MAST4: variants seen among roughly 807,000 people sequenced by gnomAD.
MAST4 encodes the protein microtubule associated serine/threonine kinase family member 4.
MAST4 carries 89 observed loss-of-function variants against 162.7 expected under a neutral mutation model. The observed-to-expected ratio is 0.55, with a 90% CI of 0.46 to 0.65. The LOEUF is 0.65. Ranked by LOEUF, MAST4 falls within the 30% of genes least tolerant of loss-of-function variation. The pLI is 0.00. For missense variants in MAST4, 3,153 were observed against 3,374.0 expected, an observed-to-expected ratio of 0.93 and a Z score of 1.62; for synonymous variants, 1,479 against 1,361.1, an observed-to-expected ratio of 1.09 and a Z score of -1.91.
intron 23 of MAST4, 80 bp downstream of exon 23, chr5:67,145,459 G>A (rs1159577773): frequency 1.2e-5 from 15 of 1,217,322 alleles, no homozygotes; most frequent in South Asian, 4.2e-5. Context: ...GGCGGGCCTC[G>A]CCAGGCAGTA....
chr5:66,661,468 G>T (rs1296785209), intron 1 of MAST4, among the ~76,000 whole-genome samples: 3 of 152,192 alleles, frequency 2.0e-5, no homozygotes, highest in African/African-American at 7.2e-5. Context: ...AGTTACAAAG[G>T]AGTCCAGGGA....
chr5:66,911,432 T>G (rs1171865852), intron 4 of MAST4, among the ~76,000 whole-genome samples: 1 of 152,026 alleles, frequency 6.6e-6, no homozygotes, highest in Non-Finnish European at 1.5e-5. Flanking sequence ...CTGGATGCAG[T>G]TGCTTACTCC....
chr5:66,939,751 T>G (rs75425934), intron 4 of MAST4, among the ~76,000 whole-genome samples: 1,621 of 152,260 alleles, frequency 0.011, 24 homozygotes, highest in African/African-American at 0.037. Context: ...GTTTTTGTTT[T>G]TTTTTTTCCC....
Position 66,886,218 on chromosome 5 carries a change from G to A in MAST4, c.643-13733G>A, listed in dbSNP as rs6870659. 7.6e-3 allele frequency among the ~76,000 whole-genome samples: 1,152 copies of A among 152,278 alleles called. 20 individuals carry two copies. The highest frequency in any genetic ancestry group is 0.026 in the African/African-American group (1,094 of 41,550). On this transcript the variant is annotated intron_variant, in intron 3 of 28. Transcript: ENST00000403625. ...GAGTAGGCCACTTAATTCAATTAGC[G>A]TATAGGACTTTTGTTTTTAGATTCT...
chr5:67,117,283 AG>A (rs1767031769), intron 12 of MAST4, among the ~76,000 whole-genome samples: 1 of 152,210 alleles, frequency 6.6e-6, no homozygotes, highest in South Asian at 2.1e-4. Flanking sequence ...AGACGAAGAA[AG>A]GACATAGTTT....
Position 66,922,890 on chromosome 5 carries a change from T to G in MAST4, c.674+22908T>G, listed in dbSNP as rs569217606. 9.8e-5 allele frequency among the ~76,000 whole-genome samples: 15 copies of G among 152,304 alleles called. No individual in the cohort carries two copies. In the South Asian group the frequency reaches 3.1e-3, roughly 32 times the overall value. On this transcript the variant is annotated intron_variant, in intron 4 of 28. Coordinates refer to ENST00000403625, the MANE Select transcript of MAST4 (RefSeq NM_001164664.2). ...GCATTCTCCAATTTAGGGCGGCACATGTTCCCCAACCTCCAATTTATCTGA... is the reference window on the plus strand; with the variant it reads ...GCATTCTCCAATTTAGGGCGGCACAGGTTCCCCAACCTCCAATTTATCTGA...
At chr5:66,804,013 T>G (rs1354609343) in intron 3 of MAST4, among the ~76,000 whole-genome samples, 1 of 152,120 alleles carries the variant, frequency 6.6e-6, no homozygotes, top group Non-Finnish European at 1.5e-5. Flanking sequence ...TCTTTTGCTA[T>G]TAAGTGCTTT....
intron 24 of MAST4, among the ~76,000 whole-genome samples, chr5:67,151,771 T>TC (rs1295967755): frequency 7.6e-5 from 11 of 145,032 alleles, no homozygotes; most frequent in African/African-American, 2.9e-4. Context: ...TTTTTTCTTT[T>TC]TTTTTTTTTT....
intron 1 of MAST4, among the ~76,000 whole-genome samples, chr5:66,607,625 G>T (rs1477413028): frequency 6.6e-6 from 1 of 152,186 alleles, no homozygotes; most frequent in African/African-American, 2.4e-5. Context: ...AGTGGAAATG[G>T]ATTGCAGGAA....
At chr5:66,967,684 TAAAAAAA>T (rs549249080) in intron 4 of MAST4, among the ~76,000 whole-genome samples, 2 of 112,936 alleles carry the variant, frequency 1.8e-5, no homozygotes, top group South Asian at 2.8e-4. Flanking sequence ...TCACACTCCT[TAAAAAAA>T]AAAAAAAAAA....
intron 4 of MAST4, chr5:66,902,771 C>T (rs1459050895): frequency 2.3e-6 from 1 of 444,154 alleles, no homozygotes; most frequent in Non-Finnish European, 4.6e-6. Context: ...GGCATTCCAG[C>T]TTCCTAGACA....
chr5:67,044,054 A>C (rs1205053134), intron 4 of MAST4, among the ~76,000 whole-genome samples: 1 of 152,210 alleles, frequency 6.6e-6, no homozygotes, highest in Non-Finnish European at 1.5e-5. Flanking sequence ...AGGCTAGATT[A>C]GGCCATGTGA....
chr5:67,056,093 T>C (rs971323273), intron 5 of MAST4, among the ~76,000 whole-genome samples: 2 of 150,972 alleles, frequency 1.3e-5, no homozygotes, highest in Non-Finnish European at 3.0e-5. Context: ...TATGTATTTT[T>C]ATAATATAAG....
chr5:66,618,193 C>T (rs186261763), intron 1 of MAST4, among the ~76,000 whole-genome samples: 73 of 152,296 alleles, frequency 4.8e-4, no homozygotes, highest in Non-Finnish European at 9.6e-4. Context: ...GCCTTTTCTG[C>T]GCAGGAACTA....
intron 3 of MAST4, among the ~76,000 whole-genome samples, chr5:66,862,336 G>A (rs1340509959): frequency 6.6e-6 from 1 of 152,174 alleles, no homozygotes; most frequent in Non-Finnish European, 1.5e-5. Flanking sequence ...TGTGTGCCAT[G>A]TGATATCATT....
chr5:67,092,411 T>C (rs1393876800), intron 6 of MAST4, among the ~76,000 whole-genome samples: 3 of 152,226 alleles, frequency 2.0e-5, no homozygotes, highest in Admixed American at 6.5e-5. Context: ...AGTGAAATTA[T>C]CGAATTAATT....
chr5:67,119,450 T>C (rs1025501703), intron 13 of MAST4, among the ~76,000 whole-genome samples: 1 of 152,054 alleles, frequency 6.6e-6, no homozygotes, highest in African/African-American at 2.4e-5. Context: ...AGGAGCAGTC[T>C]GTGTAGCCTG....
rs531604122 is a variant in MAST4 at position 66,870,622 on chromosome 5, G to A, written c.643-29329G>A. ...CACATGTGCTTTTGTGGGGGAGAAC[G>A]TGTCTTGTGTTTTTGTTATTGATGT... On this transcript the variant is annotated intron_variant, in intron 3 of 28. Transcript: ENST00000403625. 3.6e-4 allele frequency among the ~76,000 whole-genome samples: 55 copies of A among 152,274 alleles called. 1 individual carries two copies. Among genetic ancestry groups the A allele is most frequent in the African/African-American group, 1.2e-3 (51 of 41,534 alleles).
chr5:66,840,617 G>A (rs1758354579), intron 3 of MAST4, among the ~76,000 whole-genome samples: 1 of 152,154 alleles, frequency 6.6e-6, no homozygotes, highest in African/African-American at 2.4e-5. Context: ...GCTCAGCCAT[G>A]TGACTGTTCA....
Sources: allele counts gnomAD v4.1 joint callset (sites outside exome capture counted in the v4.1 genomes callset), GRCh38; gene constraint gnomAD v4.1.1; transcripts MANE v1.5; gene names NCBI Gene and HGNC (gene_info 2026-07-23, HGNC 2026-07-21).